Variants in CREB3L2 observed in about 807,000 individuals in gnomAD.
CREB3L2 encodes cyclic AMP-responsive element-binding protein 3-like protein 2.
CREB3L2 carries 23 observed loss-of-function variants against 57.2 expected under a neutral mutation model. That is an observed-to-expected ratio of 0.40 (90% confidence interval 0.29 to 0.57). The LOEUF is 0.57. CREB3L2 is among the 20% of genes least tolerant of loss of function. The probability of loss-of-function intolerance (pLI) is 0.42; values close to 1 mark genes in which losing one functional copy is unlikely to be tolerated. For synonymous variants in CREB3L2, 268 were observed against 265.1 expected (o/e 1.01, Z -0.11); for missense variants, 628 against 634.7 (o/e 0.99, Z 0.11).
rs1799149463 is a variant in CREB3L2 at position 137,876,284 on chromosome 7, T to C, written c.*4192A>G. 4.3e-6 allele frequency: 1 copy of C among 232,608 alleles called. No homozygotes were observed. The highest frequency in any genetic ancestry group is 6.0e-5 in the East Asian group (1 of 16,556). The allele number at this position is 232,608 out of a possible 1,614,324, so 14.4% of individuals were successfully genotyped here. A position where few individuals can be genotyped will look rare whatever the true frequency, so the allele number is the denominator to read the frequency against. ...TCCTCAGTCATCCTGGATTTACCTA[T>C]AAGGCACATTTAAGGCACAAATGAG... On this transcript the variant is annotated 3_prime_UTR_variant, in exon 12 of 12. Transcript: ENST00000330387.
intron 1 of CREB3L2, among the ~76,000 whole-genome samples, chr7:137,985,322 CT>C (rs1205019404): frequency 2.0e-5 from 3 of 152,222 alleles, no homozygotes; most frequent in Non-Finnish European, 4.4e-5. Flanking sequence ...TGTACATCAA[CT>C]GCTTGGGAAC....
chr7:137,957,743 G>T (rs150390710), intron 1 of CREB3L2: 1 of 1,287,190 alleles, frequency 7.8e-7, no homozygotes, highest in Admixed American at 2.3e-5. Context: ...TTCAAAGAAC[G>T]CACCTGTAAG....
intron 8 of CREB3L2, among the ~76,000 whole-genome samples, chr7:137,885,898 G>A (rs570060414): frequency 5.8e-4 from 89 of 152,340 alleles, no homozygotes; most frequent in African/African-American, 2.0e-3. Context: ...AGTCCTCTAT[G>A]TGACGGTATT....
At chr7:137,898,331 C>T (rs1799669412) in intron 8 of CREB3L2, among the ~76,000 whole-genome samples, 2 of 152,114 alleles carry the variant, frequency 1.3e-5, no homozygotes, top group Admixed American at 6.6e-5. Context: ...TTAGTAAAAC[C>T]ATTATGAAAA....
At position 137,901,177 on chromosome 7, in the gene CREB3L2, C is replaced by T. The variant is rs113899813; in HGVS notation, c.1043+177G>A. Among the ~76,000 whole-genome samples the T allele has an allele frequency of 3.9e-5, 6 of 152,238 alleles. 2 individuals carry two copies. Among genetic ancestry groups the T allele is most frequent in the African/African-American group, 1.4e-4 (6 of 41,550 alleles). On this transcript the variant is annotated intron_variant, in intron 8 of 11. Coordinates refer to ENST00000330387, the MANE Select transcript of CREB3L2 (RefSeq NM_194071.4). ...TGTGCAAGAGTAGCACGTGTGCATG[C>T]GTGTGTGTGTAGCAGGAGTGGGTGG...
At chr7:137,963,072 A>C (rs889949488) in intron 1 of CREB3L2, among the ~76,000 whole-genome samples, 39 of 151,770 alleles carry the variant, frequency 2.6e-4, no homozygotes, top group Middle Eastern at 3.4e-3. Flanking sequence ...TCTTCATCTC[A>C]CTCAACCAGC....
intron 1 of CREB3L2, among the ~76,000 whole-genome samples, chr7:137,953,140 TAGTA>T (rs1801136058): frequency 6.6e-6 from 1 of 152,228 alleles, no homozygotes; most frequent in South Asian, 2.1e-4. Context: ...TTCAATCACT[TAGTA>T]AGACCTTTTA....
At chr7:137,882,238 C>T (rs528838876) in intron 11 of CREB3L2, among the ~76,000 whole-genome samples, 174 bp downstream of exon 11, 11 of 152,302 alleles carry the variant, frequency 7.2e-5, no homozygotes, top group African/African-American at 2.4e-4. Context: ...CTGCTCAGGG[C>T]AACTGTTGGC....
chr7:137,885,027 T>C lies in CREB3L2; in HGVS notation c.1238A>G (p.His413Arg). ...GGCTGTGTAGGGCTCCTGCAGGGAA[T>C]GCTGGCTGGGCAGAGCCATCTTGGT... Reference protein sequence around the residue: ...SATKMALPSQHSLQEPYTASV... With the variant: ...SATKMALPSQRSLQEPYTASV... Residue 413 changes from histidine to arginine, a missense_variant, in exon 10 of 12, where the codon CAT becomes CGT. Coordinates refer to ENST00000330387, the MANE Select transcript of CREB3L2 (RefSeq NM_194071.4). 6.2e-7 allele frequency: 1 copy of C among 1,614,186 alleles called. No individual in the cohort carries two copies. The highest frequency in any genetic ancestry group is 8.5e-7 in the Non-Finnish European group (1 of 1,180,034).
At chr7:137,955,139 G>A (rs1408830585) in intron 1 of CREB3L2, 2 of 450,788 alleles carry the variant, frequency 4.4e-6, no homozygotes, top group Non-Finnish European at 8.6e-6. Context: ...TCACCAGGCT[G>A]ACCTTTTTAT....
At chr7:137,955,425 C>A in intron 1 of CREB3L2, 1 of 639,060 alleles carries the variant, frequency 1.6e-6, no homozygotes, top group Non-Finnish European at 2.5e-6. Context: ...CCCTTAATCC[C>A]CACACGCCAA....
At chr7:137,881,901 A>AC (rs1799300012) in intron 11 of CREB3L2, among the ~76,000 whole-genome samples, 1 of 152,216 alleles carries the variant, frequency 6.6e-6, no homozygotes, top group Non-Finnish European at 1.5e-5. Flanking sequence ...CTTAAATGGT[A>AC]CCCCTCAACA....
chr7:137,975,396 T>C (rs1326154795), intron 1 of CREB3L2, among the ~76,000 whole-genome samples: 1 of 152,198 alleles, frequency 6.6e-6, no homozygotes, highest in Non-Finnish European at 1.5e-5. Flanking sequence ...TGCAATCAGT[T>C]GGCTGCAGCT....
intron 1 of CREB3L2, among the ~76,000 whole-genome samples, chr7:137,934,554 C>A (rs888322723): frequency 6.6e-6 from 1 of 152,186 alleles, no homozygotes; most frequent in Admixed American, 6.5e-5. Flanking sequence ...TCAGCCAGTT[C>A]CAAATCACAG....
At chr7:137,918,888 AG>A (rs1218823104) in intron 2 of CREB3L2, among the ~76,000 whole-genome samples, 5 of 152,204 alleles carry the variant, frequency 3.3e-5, no homozygotes, top group Non-Finnish European at 7.3e-5. Context: ...AGTGTCCTAT[AG>A]CCCTCTTTAC....
chr7:137,926,173 C>T (rs893156382), intron 2 of CREB3L2, among the ~76,000 whole-genome samples: 20 of 152,260 alleles, frequency 1.3e-4, no homozygotes, highest in South Asian at 1.2e-3. Flanking sequence ...GACAGTGTGG[C>T]GATTCCTTAA....
At chr7:137,961,861 C>A (rs936233220) in intron 1 of CREB3L2, among the ~76,000 whole-genome samples, 6 of 152,164 alleles carry the variant, frequency 3.9e-5, no homozygotes, top group Non-Finnish European at 8.8e-5. Flanking sequence ...ATCTCATGAC[C>A]CATGCCCTCT....
chr7:137,893,686 T>G (rs951430117), intron 8 of CREB3L2, among the ~76,000 whole-genome samples: 2 of 152,118 alleles, frequency 1.3e-5, no homozygotes, highest in Non-Finnish European at 1.5e-5. Context: ...ATAGGAATCA[T>G]ATAGAGATTG....
chr7:137,945,239 T>C (rs1403110370), intron 1 of CREB3L2, among the ~76,000 whole-genome samples: 4 of 152,246 alleles, frequency 2.6e-5, no homozygotes, highest in Non-Finnish European at 5.9e-5. Context: ...CTATAAGTGC[T>C]AGAATATAAA....
Sources: gnomAD v4.1 joint callset for allele counts (sites outside exome capture counted in the v4.1 genomes callset) on GRCh38, gnomAD v4.1.1 for gene constraint, MANE v1.5 for transcripts, NCBI Gene and HGNC (gene_info 2026-07-23, HGNC 2026-07-21) for gene names.